Variants in EXOC4 observed in about 807,000 individuals in gnomAD.
EXOC4 encodes the protein SEC8-like 1.
In EXOC4, 71 loss-of-function variants were observed where a neutral mutation model predicts 107.2. That is an observed-to-expected ratio of 0.66 (90% CI 0.55 to 0.81). The LOEUF is 0.81. Among genes scored for constraint, EXOC4 ranks in the 30% least tolerant of loss-of-function variants. The probability of loss-of-function intolerance (pLI) is 0.00; values close to 1 mark genes in which losing one functional copy is unlikely to be tolerated. For synonymous variants in EXOC4, 456 were observed against 441.2 expected (o/e 1.03, Z -0.42); for missense variants, 1,108 against 1,189.6 (o/e 0.93, Z 1.01).
intron 17 of EXOC4, among the ~76,000 whole-genome samples, chr7:134,021,368 A>G (rs1166707669): frequency 3.3e-5 from 5 of 152,236 alleles, no homozygotes; most frequent in African/African-American, 9.6e-5. Flanking sequence ...ACAGGAGAGT[A>G]AAACAGATCT....
At chr7:133,975,031 T>G (rs1198757242) in intron 14 of EXOC4, among the ~76,000 whole-genome samples, 5 of 152,000 alleles carry the variant, frequency 3.3e-5, no homozygotes, top group Admixed American at 6.6e-5. Context: ...ATACCTTTTT[T>G]TTTTGAGTTC....
the EXOC4 span, among the ~76,000 whole-genome samples, chr7:134,080,488 A>G: frequency 6.6e-6 from 1 of 152,072 alleles, no homozygotes; most frequent in African/African-American, 2.4e-5. Flanking sequence ...AGTAAGTAGT[A>G]TTGGGTTTTG....
At chr7:133,805,365 A>G (rs1213655601) in intron 10 of EXOC4, among the ~76,000 whole-genome samples, 5 of 152,260 alleles carry the variant, frequency 3.3e-5, no homozygotes, top group Non-Finnish European at 7.3e-5. Context: ...ATGAACTTAA[A>G]AAAATACAGA....
chr7:133,560,064 A>G (rs1050516002), intron 9 of EXOC4, among the ~76,000 whole-genome samples: 3 of 152,148 alleles, frequency 2.0e-5, no homozygotes, highest in Admixed American at 2.0e-4. Context: ...AATTACGTCA[A>G]TTACTGTAGT....
intron 7 of EXOC4, among the ~76,000 whole-genome samples, chr7:133,464,381 C>G (rs1584937412): frequency 6.6e-6 from 1 of 152,202 alleles, no homozygotes; most frequent in East Asian, 1.9e-4. Context: ...CAAGCACAGA[C>G]TTTCTGCGTT....
intron 10 of EXOC4, among the ~76,000 whole-genome samples, chr7:133,724,619 A>G (rs1795178108): frequency 1.3e-5 from 2 of 152,238 alleles, no homozygotes; most frequent in Admixed American, 6.5e-5. Flanking sequence ...TATTTTATTA[A>G]TGAATCATAA....
chr7:133,923,309 A>G (rs1799980583), intron 13 of EXOC4, among the ~76,000 whole-genome samples: 2 of 151,890 alleles, frequency 1.3e-5, no homozygotes, highest in Non-Finnish European at 1.5e-5. Context: ...TTGTATTTTT[A>G]GTAGAGACAG....
At chr7:134,057,689 A>G (rs979524749) in intron 17 of EXOC4, among the ~76,000 whole-genome samples, 3 of 152,166 alleles carry the variant, frequency 2.0e-5, no homozygotes, top group East Asian at 1.9e-4. Context: ...TTTCAAGTCA[A>G]TTGCTACTGC....
In EXOC4 at chr7:133,569,828, G is replaced by A. The variant is rs1800982338; in HGVS notation, c.1418-60217G>A. Among the ~76,000 whole-genome samples the A allele has an allele frequency of 2.6e-5, 4 of 152,160 alleles. 1 individual carries two copies. The South Asian group carries it at 8.3e-4, about 31-fold the overall frequency. ...CCCAGGTTTCCAGGCTGCTTCCAGTGAATGTGTGGCTTCTGCTAGAGATTC... is the reference window on the plus strand; with the variant it reads ...CCCAGGTTTCCAGGCTGCTTCCAGTAAATGTGTGGCTTCTGCTAGAGATTC... On this transcript the variant is annotated intron_variant, in intron 9 of 17. Coordinates refer to ENST00000253861, the MANE Select transcript of EXOC4 (RefSeq NM_021807.4).
rs543551506 is a variant in EXOC4 at position 133,849,061 on chromosome 7, T to A, written c.1734+31517T>A. Among the ~76,000 whole-genome samples the A allele has an allele frequency of 2.2e-4, 34 of 152,322 alleles. No individual in the cohort carries two copies. The South Asian group carries it at 6.8e-3, about 31-fold the overall frequency. On this transcript the variant is annotated intron_variant, in intron 11 of 17. Transcript: ENST00000253861. ...GTTTTAACCTGAAGCCTTGAGACTC[T>A]GGAAGAAATGTACAGTAGCACACCA...
intron 11 of EXOC4, among the ~76,000 whole-genome samples, chr7:133,855,165 A>ATATATTTTT (rs1563028697): frequency 3.7e-5 from 5 of 136,640 alleles, no homozygotes; most frequent in African/African-American, 1.5e-4. Context: ...AAATATATAT[A>ATATATTTTT]TTTTTTTTAT....
At position 133,807,733 on chromosome 7, in the gene EXOC4, G is replaced by A. The variant is rs1306807569; in HGVS notation, c.1515-9592G>A. 5.9e-5 allele frequency among the ~76,000 whole-genome samples: 9 copies of A among 152,106 alleles called. No individual in the cohort carries two copies. The East Asian group carries it at 1.5e-3, about 26-fold the overall frequency. On this transcript the variant is annotated intron_variant, in intron 10 of 17. Coordinates refer to ENST00000253861, the MANE Select transcript of EXOC4 (RefSeq NM_021807.4). ...ATGTCAGCATCCCTTATTTATTTAT[G>A]CAATCTTTGGTTTAAAAAGATTGTT...
chr7:133,941,454 T>A (rs1585265074), intron 14 of EXOC4, among the ~76,000 whole-genome samples: 1 of 152,160 alleles, frequency 6.6e-6, no homozygotes, highest in Non-Finnish European at 1.5e-5. Flanking sequence ...GTTCAGGAGG[T>A]TAAAACTAAT....
rs60746450 is a variant in EXOC4, at chr7:133,953,441, G to GA, written c.2206+15382dup. Among the ~76,000 whole-genome samples, 1,120 of 147,340 alleles carry GA rather than the reference G, an allele frequency of 7.6e-3. 22 individuals are homozygous for GA. Among genetic ancestry groups the GA allele is most frequent in the East Asian group, 0.063 (319 of 5,042 alleles). ...AGGGAGACCTCATCTCTACAAAAAA[G>GA]AAAAAAAAAATTAATTAGCCAGGTG... On this transcript the variant is annotated intron_variant, in intron 14 of 17. Transcript: ENST00000253861.
chr7:133,953,677 A>G (rs542423347), intron 14 of EXOC4, among the ~76,000 whole-genome samples: 1 of 152,196 alleles, frequency 6.6e-6, no homozygotes, highest in Non-Finnish European at 1.5e-5. Flanking sequence ...AAAAAAATGT[A>G]AAAGCCCTAG....
rs1276922339 is a variant in EXOC4 at position 133,918,105 on chromosome 7, C to T, written c.2027+367C>T. On this transcript the variant is annotated intron_variant, in intron 13 of 17. Coordinates refer to ENST00000253861, the MANE Select transcript of EXOC4 (RefSeq NM_021807.4). Reference sequence around the variant, plus strand: ...TCACGCCATTCTCCTGCCTCAGCCTCCCAAGTAGCTGGGACTACCGGTGCC... The same window carrying T: ...TCACGCCATTCTCCTGCCTCAGCCTTCCAAGTAGCTGGGACTACCGGTGCC... 3.3e-5 allele frequency among the ~76,000 whole-genome samples: 5 copies of T among 151,638 alleles called. No individual in the cohort carries two copies. The East Asian group carries it at 9.7e-4, about 29-fold the overall frequency.
At chr7:133,579,169 T>A (rs982372755) in intron 9 of EXOC4, among the ~76,000 whole-genome samples, 4 of 152,310 alleles carry the variant, frequency 2.6e-5, no homozygotes, top group African/African-American at 9.6e-5. Context: ...GGTATACTGA[T>A]ACTTTAGTTT....
chr7:133,709,645 C>CTT (rs147956984), intron 10 of EXOC4, among the ~76,000 whole-genome samples: 1 of 118,144 alleles, frequency 8.5e-6, no homozygotes, highest in African/African-American at 3.2e-5. Flanking sequence ...AATCTGTTTT[C>CTT]TTTTTTTTTT....
In EXOC4 at chr7:133,470,972, G is replaced by A. The variant is rs77709920; in HGVS notation, c.1183-4356G>A. On this transcript the variant is annotated intron_variant, in intron 7 of 17. Transcript: ENST00000253861. ...GAAGGTGCAGTACATTATCCACCAT[G>A]ATGTGGAATCATCAATAAATTATAT... Among the ~76,000 whole-genome samples, 22 of 152,246 alleles carry A rather than the reference G, an allele frequency of 1.4e-4. No individual in the cohort carries two copies. The East Asian group carries it at 4.2e-3, about 29-fold the overall frequency.
Sources: allele counts gnomAD v4.1 joint callset (sites outside exome capture counted in the v4.1 genomes callset), GRCh38; gene constraint gnomAD v4.1.1; transcripts MANE v1.5; gene names NCBI Gene and HGNC (gene_info 2026-07-23, HGNC 2026-07-21).